The following ZMYM4 variants were observed in gnomAD, a reference collection of about 807,000 sequenced individuals.
The protein encoded by ZMYM4 is zinc finger MYM-type containing 4.
In ZMYM4, 31 loss-of-function variants were observed where a neutral mutation model predicts 183.2. The observed-to-expected ratio is 0.17, with a 90% CI of 0.13 to 0.23. The LOEUF is 0.23. Among genes scored for constraint, ZMYM4 ranks in the 10% least tolerant of loss-of-function variants. The pLI, the probability that ZMYM4 is intolerant of heterozygous loss-of-function variation, is 1.00. For missense variants in ZMYM4, 1,273 were observed against 1,840.3 expected (o/e 0.69, Z 5.64); for synonymous variants, 592 against 631.2 (o/e 0.94, Z 0.93).
At chr1:35,273,915 A>G (rs547012447) in intron 1 of ZMYM4, among the ~76,000 whole-genome samples, 1 of 152,204 alleles carries the variant, frequency 6.6e-6, no homozygotes. Context: ...CTATTAATAT[A>G]TAAATCTGTG....
At chr1:35,363,900 G>A (rs1455516578) in intron 5 of ZMYM4, among the ~76,000 whole-genome samples, 1 of 152,136 alleles carries the variant, frequency 6.6e-6, no homozygotes, top group African/African-American at 2.4e-5. Context: ...GGGCATGCTG[G>A]CAGGGTACCA....
intron 1 of ZMYM4, among the ~76,000 whole-genome samples, chr1:35,296,851 T>A (rs867414795): frequency 7.2e-6 from 1 of 139,498 alleles, no homozygotes; most frequent in African/African-American, 2.9e-5. Flanking sequence ...TTCTTTTTTT[T>A]TTTTTTTTTT....
At chr1:35,332,689 GTTATA>G (rs1642806592) in intron 2 of ZMYM4, among the ~76,000 whole-genome samples, 1 of 151,956 alleles carries the variant, frequency 6.6e-6, no homozygotes, top group African/African-American at 2.4e-5. Context: ...TAAGGCATAA[GTTATA>G]TTATTATTAT....
Position 35,328,651 on chromosome 1 carries a change from T to C in ZMYM4, c.85+3246T>C, listed in dbSNP as rs565221338. 2.0e-5 allele frequency among the ~76,000 whole-genome samples: 3 copies of C among 152,120 alleles called. No individual in the cohort carries two copies. The South Asian group carries it at 6.3e-4, about 32-fold the overall frequency. The stretch of plus-strand genomic sequence containing the variant: ...GCAAATGGTGCAATAAAGGTTACCC[T>C]TTATCTCCCCTTTTCTGGTAGTTTA... On this transcript the variant is annotated intron_variant, in intron 2 of 29. Coordinates refer to ENST00000314607, the MANE Select transcript of ZMYM4 (RefSeq NM_005095.3).
Position 35,405,172 on chromosome 1 carries a change from G to C in ZMYM4, c.3678G>C (p.Glu1226Asp). Residue 1226 changes from glutamate to aspartate, a missense_variant, in exon 24 of 30, where the codon GAG (glutamate) becomes GAC (aspartate). Glu to Asp is a conservative substitution (Grantham distance 45). This residue lies in a region of ZMYM4 where 133 missense variants were observed against 155.7 expected (regional missense o/e 0.85). Coordinates refer to ENST00000314607, the MANE Select transcript of ZMYM4 (RefSeq NM_005095.3). ...NWVQWKNAKE[E>D]QGDLKCGGVE... ...TTCAGTGGAAAAATGCCAAGGAAGA[G>C]CAGGGGGATCTAAAATGTGGAGGTA... 1 of 1,614,036 alleles carries C rather than the reference G, an allele frequency of 6.2e-7. No individual in the cohort carries two copies. The highest frequency in any genetic ancestry group is 2.2e-5 in the East Asian group (1 of 44,878).
At chr1:35,329,546 A>C (rs1033917422) in intron 2 of ZMYM4, among the ~76,000 whole-genome samples, 1 of 152,220 alleles carries the variant, frequency 6.6e-6, no homozygotes, top group African/African-American at 2.4e-5. Context: ...TGATAGAATA[A>C]GTTTATTGAA....
intron 2 of ZMYM4, 144 bp from the exon 3 acceptor site, chr1:35,358,781 C>G (rs1252151574): frequency 2.8e-6 from 2 of 703,642 alleles, no homozygotes; most frequent in African/African-American, 3.6e-5. Context: ...TCTGTCACAC[C>G]TATATCAAAG....
chr1:35,385,403 A>G (rs2148976067), intron 9 of ZMYM4, 39 bp from the exon 10 acceptor site: 1 of 1,575,970 alleles, frequency 6.3e-7, no homozygotes, highest in East Asian at 2.3e-5. Context: ...TTTTACTAGG[A>G]ATTTGTTAAA....
intron 5 of ZMYM4, among the ~76,000 whole-genome samples, chr1:35,362,861 C>T (rs1444078411): frequency 6.6e-6 from 1 of 152,074 alleles, no homozygotes; most frequent in Non-Finnish European, 1.5e-5. Flanking sequence ...TACCACCACA[C>T]TGGCGAATTA....
chr1:35,268,987 G>C lies in ZMYM4; in HGVS notation c.-60G>C. On this transcript the variant is annotated 5_prime_UTR_variant, in exon 1 of 30. Coordinates refer to ENST00000314607, the MANE Select transcript of ZMYM4 (RefSeq NM_005095.3). ...CCTGCAGTGTGGGCGGGGGCCGGGG[G>C]GCCGAGAGGTACCGCCGCCACCGCG... 6 of 1,496,790 alleles carry C rather than the reference G, an allele frequency of 4.0e-6. No homozygotes were observed. Among genetic ancestry groups the C allele is most frequent in the Non-Finnish European group, 5.3e-6 (6 of 1,122,112 alleles). 92.7% of individuals were successfully genotyped at this position (1,496,790 alleles called of 1,614,324 possible). A position where few individuals can be genotyped will look rare whatever the true frequency, so the allele number is the denominator to read the frequency against.
At chr1:35,381,786 CTT>C in intron 9 of ZMYM4, 28 bp downstream of exon 9, 1 of 1,607,154 alleles carries the variant, frequency 6.2e-7, no homozygotes. Context: ...ATCTTGATGT[CTT>C]TGTTCAGTTC....
intron 1 of ZMYM4, among the ~76,000 whole-genome samples, chr1:35,281,574 C>T (rs189578352): frequency 2.9e-4 from 44 of 151,596 alleles, no homozygotes; most frequent in Middle Eastern, 3.4e-3. Context: ...CATTCCACAC[C>T]GTATACATAC....
At chr1:35,373,151 T>A (rs981000276) in intron 7 of ZMYM4, among the ~76,000 whole-genome samples, 10 of 151,712 alleles carry the variant, frequency 6.6e-5, no homozygotes, top group Admixed American at 5.9e-4. Flanking sequence ...AGAGTGAGAC[T>A]CTATCTCAAA....
chr1:35,275,736 ATGTAC>A (rs2148671033), intron 1 of ZMYM4, among the ~76,000 whole-genome samples: 1 of 152,300 alleles, frequency 6.6e-6, no homozygotes, highest in African/African-American at 2.4e-5. Flanking sequence ...TATTGTATAA[ATGTAC>A]TGTATTCAAC....
chr1:35,372,961 C>A (rs540364481), intron 7 of ZMYM4, among the ~76,000 whole-genome samples: 2 of 152,206 alleles, frequency 1.3e-5, no homozygotes, highest in African/African-American at 4.8e-5. Flanking sequence ...AGTTCAAGAC[C>A]AGCCTGGCCA....
At chr1:35,280,654 C>G (rs1337962642) in intron 1 of ZMYM4, among the ~76,000 whole-genome samples, 1 of 152,188 alleles carries the variant, frequency 6.6e-6, no homozygotes, top group Admixed American at 6.5e-5. Context: ...TCTTCCTCCT[C>G]TCTTTGAGCC....
intron 5 of ZMYM4, among the ~76,000 whole-genome samples, chr1:35,367,317 A>C (rs999664583): frequency 6.6e-6 from 1 of 151,170 alleles, no homozygotes; most frequent in Admixed American, 6.6e-5. Flanking sequence ...CCCTCCCACC[A>C]CCCTGGGTTC....
At position 35,390,008 on chromosome 1, in the gene ZMYM4, G is replaced by C; in HGVS notation, c.2497G>C (p.Gly833Arg). The change falls in exon 15 of 30, where the codon GGG becomes CGG. Residue 833 changes from glycine (G) to arginine (R), a missense_variant. This residue lies in a region of ZMYM4 where 290 missense variants were observed against 353.3 expected (regional missense o/e 0.82). Coordinates refer to ENST00000314607, the MANE Select transcript of ZMYM4 (RefSeq NM_005095.3). Reference protein sequence around the residue: ...GKLSESLKWRGEMKHFCNLLC... With the variant: ...GKLSESLKWRREMKHFCNLLC... ...ACTCAGTGAGTCCTTGAAATGGCGAGGGGAAATGAAACATTTCTGTAACCT... is the reference window on the plus strand; with the variant it reads ...ACTCAGTGAGTCCTTGAAATGGCGACGGGAAATGAAACATTTCTGTAACCT... The C allele has an allele frequency of 6.2e-7, 1 of 1,613,882 alleles. No individual in the cohort carries two copies. Among genetic ancestry groups the C allele is most frequent in the Non-Finnish European group, 8.5e-7 (1 of 1,179,894 alleles).
chr1:35,371,021 A>T (rs1222845340), intron 7 of ZMYM4, among the ~76,000 whole-genome samples: 1 of 141,840 alleles, frequency 7.1e-6, no homozygotes, highest in African/African-American at 2.6e-5. Flanking sequence ...ATGTAATTTG[A>T]ATTTCTTTAA....
Sources: allele counts gnomAD v4.1 joint callset (sites outside exome capture counted in the v4.1 genomes callset), GRCh38; gene constraint gnomAD v4.1.1; regional missense constraint gnomAD v4.1.1; transcripts MANE v1.5; gene names NCBI Gene and HGNC (gene_info 2026-07-23, HGNC 2026-07-21).